PCED1B: variants seen among roughly 807,000 people sequenced by gnomAD.
The protein encoded by PCED1B is PC-esterase domain-containing protein 1B.
For synonymous variants in PCED1B, 251 were observed against 246.1 expected (o/e 1.02, Z -0.19); for missense variants, 573 against 573.9 (o/e 1.00, Z 0.02).
intron 1 of PCED1B, among the ~76,000 whole-genome samples, chr12:47,087,388 T>G (rs759529803): frequency 2.6e-5 from 4 of 152,182 alleles, no homozygotes; most frequent in Non-Finnish European, 4.4e-5. Flanking sequence ...AGCAGATTTC[T>G]CACAGAAATC....
At chr12:47,175,918 G>A (rs763055399) in intron 2 of PCED1B, among the ~76,000 whole-genome samples, 7 of 150,158 alleles carry the variant, frequency 4.7e-5, no homozygotes, top group African/African-American at 7.4e-5. Context: ...TAGAGACAGG[G>A]TGTCGCTACA....
intron 2 of PCED1B, among the ~76,000 whole-genome samples, chr12:47,146,239 A>C (rs969118798): frequency 1.3e-5 from 2 of 152,222 alleles, no homozygotes; most frequent in Non-Finnish European, 2.9e-5. Context: ...AAACTTGAAC[A>C]AATGAGGAGT....
At chr12:47,081,971 G>C (rs1003379385) in intron 1 of PCED1B, among the ~76,000 whole-genome samples, 7 of 152,136 alleles carry the variant, frequency 4.6e-5, no homozygotes, top group African/African-American at 1.7e-4. Context: ...CATAGACAAG[G>C]CTATTTATCC....
chr12:47,128,297 A>G (rs905380333), intron 2 of PCED1B, among the ~76,000 whole-genome samples: 2 of 152,196 alleles, frequency 1.3e-5, no homozygotes, highest in African/African-American at 2.4e-5. Context: ...ACTTAAATAC[A>G]TACAACAGAT....
chr12:47,122,088 TA>T (rs1406750701), intron 2 of PCED1B, among the ~76,000 whole-genome samples: 1 of 151,770 alleles, frequency 6.6e-6, no homozygotes, highest in African/African-American at 2.4e-5. Context: ...TGGGTATAAT[TA>T]TAGTTTGGTC....
chr12:47,104,085 A>G (rs961711824), intron 1 of PCED1B, 28 bp from the exon 2 acceptor site: 5 of 152,214 alleles, frequency 3.3e-5, no homozygotes. Flanking sequence ...GAAAATGAAT[A>G]ATTAAACATG....
intron 1 of PCED1B, among the ~76,000 whole-genome samples, chr12:47,099,039 T>C (rs2137208520): frequency 6.6e-6 from 1 of 152,326 alleles, no homozygotes; most frequent in South Asian, 2.1e-4. Flanking sequence ...CCACCACTCA[T>C]CTCTGACCAA....
At position 47,131,902 on chromosome 12, in the gene PCED1B, C is replaced by T. The variant is rs192085746; in HGVS notation, c.-526+27707C>T. ...CAGGGTGGTCTTGATCTCCTGACCTCGTGATCCGCCCACCTCCACCTCCCA... is the reference window on the plus strand; with the variant it reads ...CAGGGTGGTCTTGATCTCCTGACCTTGTGATCCGCCCACCTCCACCTCCCA... On this transcript the variant is annotated intron_variant, in intron 2 of 3. Coordinates refer to ENST00000546455, the MANE Select transcript of PCED1B (RefSeq NM_138371.3). 5.5e-4 allele frequency among the ~76,000 whole-genome samples: 83 copies of T among 152,106 alleles called. No homozygotes were observed. The East Asian group carries it at 0.012, about 21-fold the overall frequency.
At chr12:47,224,877 G>A (rs898932686) in intron 3 of PCED1B, among the ~76,000 whole-genome samples, 14 of 152,310 alleles carry the variant, frequency 9.2e-5, no homozygotes, top group Middle Eastern at 6.8e-3. Context: ...AATGTAGGTA[G>A]GTGATTCGAA....
At chr12:47,149,670 T>C (rs1386298165) in intron 2 of PCED1B, among the ~76,000 whole-genome samples, 1 of 152,232 alleles carries the variant, frequency 6.6e-6, no homozygotes, top group African/African-American at 2.4e-5. Flanking sequence ...AATAGCTTTT[T>C]CTTTTTCTCT....
chr12:47,088,613 C>G (rs1938102594), intron 1 of PCED1B, among the ~76,000 whole-genome samples: 1 of 152,174 alleles, frequency 6.6e-6, no homozygotes, highest in Admixed American at 6.5e-5. Context: ...ATCACTTTCT[C>G]CAGAGAGCAG....
chr12:47,175,534 T>G lies in PCED1B; in HGVS notation c.-525-40688T>G, dbSNP rs543738947. On this transcript the variant is annotated intron_variant, in intron 2 of 3. Transcript: ENST00000546455. ...ATCCCACTTCAGAATTCAGAAACCT[T>G]TTGGTTTACTTCTTTCAGTATGTAT... Among the ~76,000 whole-genome samples the G allele has an allele frequency of 2.0e-5, 3 of 152,114 alleles. No individual in the cohort carries two copies. In the South Asian group the frequency reaches 6.2e-4, roughly 32 times the overall value.
intron 2 of PCED1B, among the ~76,000 whole-genome samples, chr12:47,185,816 T>C (rs1048525082): frequency 1.3e-5 from 2 of 151,464 alleles, no homozygotes; most frequent in Non-Finnish European, 2.9e-5. Context: ...GACTGTATAT[T>C]AGACTGACAA....
chr12:47,099,649 A>G (rs1371198052), intron 1 of PCED1B, among the ~76,000 whole-genome samples: 1 of 152,108 alleles, frequency 6.6e-6, no homozygotes, highest in East Asian at 1.9e-4. Context: ...CTGCACTACC[A>G]TGCGCCCTTG....
At chr12:47,120,131 A>G (rs1481341022) in intron 2 of PCED1B, among the ~76,000 whole-genome samples, 2 of 152,208 alleles carry the variant, frequency 1.3e-5, no homozygotes, top group African/African-American at 4.8e-5. Context: ...GAAAGCTACA[A>G]TGAGATACCA....
chr12:47,101,409 T>G (rs1938700701), intron 1 of PCED1B, among the ~76,000 whole-genome samples: 1 of 152,168 alleles, frequency 6.6e-6, no homozygotes, highest in Non-Finnish European at 1.5e-5. Context: ...GTAAAATGAA[T>G]TTCCTTCAGT....
intron 1 of PCED1B, among the ~76,000 whole-genome samples, chr12:47,086,308 C>T (rs190798641): frequency 4.5e-4 from 32 of 71,582 alleles, no homozygotes; most frequent in Middle Eastern, 9.3e-3. Context: ...ATAAAAATAA[C>T]AACTAAAAAG....
At chr12:47,157,968 G>A (rs757500673) in intron 2 of PCED1B, among the ~76,000 whole-genome samples, 1 of 152,120 alleles carries the variant, frequency 6.6e-6, no homozygotes, top group Non-Finnish European at 1.5e-5. Context: ...GCATGTGTCA[G>A]GATTTCCTTC....
intron 2 of PCED1B, among the ~76,000 whole-genome samples, chr12:47,159,403 G>T (rs546803469): frequency 6.6e-6 from 1 of 152,170 alleles, no homozygotes; most frequent in East Asian, 1.9e-4. Context: ...ATCCTTGCCA[G>T]CATTAGTTAT....
Sources: allele counts gnomAD v4.1 joint callset (sites outside exome capture counted in the v4.1 genomes callset), GRCh38; gene constraint gnomAD v4.1.1; transcripts MANE v1.5; gene names NCBI Gene and HGNC (gene_info 2026-07-23, HGNC 2026-07-21).